ZNF362: variants seen among roughly 807,000 people sequenced by gnomAD.
The protein encoded by ZNF362 is rotund homolog.
In ZNF362, 11 loss-of-function variants were observed where a neutral mutation model predicts 42.9. The ratio of observed to expected loss-of-function variants is 0.26; its 90% CI spans 0.16 to 0.42. The LOEUF (loss-of-function observed/expected upper bound fraction) is 0.42, where lower values mean the gene tolerates loss of function less well. Ranked by LOEUF, ZNF362 falls within the 20% of genes least tolerant of loss-of-function variation. ZNF362 has a pLI of 1.00. For missense variants in ZNF362, 362 were observed against 576.2 expected (o/e 0.63, Z 3.81); for synonymous variants, 255 against 257.3 (o/e 0.99, Z 0.09).
the ZNF362 span, chr1:33,181,593 G>C: frequency 7.6e-7 from 1 of 1,312,832 alleles, no homozygotes; most frequent in Non-Finnish European, 1.0e-6. The surrounding 1 kb of genome is among the most constrained non-coding windows in gnomAD (Gnocchi z 6.5). Context: ...CCGGAAGGAG[G>C]GTAACGCGAG....
chr1:33,255,495 C>T (rs1324278163), upstream of ZNF362, among the ~76,000 whole-genome samples: 1 of 151,910 alleles, frequency 6.6e-6, no homozygotes, highest in East Asian at 1.9e-4. Flanking sequence ...GCTGCCTCCT[C>T]AGGTAGAAGT....
the ZNF362 span, among the ~76,000 whole-genome samples, chr1:33,245,199 T>C: frequency 6.6e-6 from 1 of 152,204 alleles, no homozygotes; most frequent in Admixed American, 6.5e-5. Flanking sequence ...CCGATGACCC[T>C]TCATTTAATC....
In ZNF362 at chr1:33,295,063, C is replaced by T. The variant is rs370600250; in HGVS notation, c.987+48C>T. On this transcript the variant is annotated intron_variant, in intron 7 of 8. Transcript: ENST00000539719. ...CCCACCAGGTGCTCTGGTGCCCCCCCACCCACCCCCACAAGGAAGCGTAGG... is the reference window on the plus strand; with the variant it reads ...CCCACCAGGTGCTCTGGTGCCCCCCTACCCACCCCCACAAGGAAGCGTAGG... The T allele has an allele frequency of 1.9e-6, 3 of 1,611,392 alleles. No individual in the cohort carries two copies. The African/African-American group carries it at 4.0e-5, about 22-fold the overall frequency.
intron 2 of ZNF362, chr1:33,275,397 C>G (rs1013621603): frequency 1.0e-6 from 1 of 985,308 alleles, no homozygotes; most frequent in Non-Finnish European, 1.2e-6. Flanking sequence ...TAGCTTCAGC[C>G]TCTTCAGCCC....
At chr1:33,275,080 C>T in intron 2 of ZNF362, 2 of 985,372 alleles carry the variant, frequency 2.0e-6, no homozygotes, top group Non-Finnish European at 2.4e-6. Context: ...TAAACAATTT[C>T]ATTTAAGCAA....
At chr1:33,140,599 A>G in the ZNF362 span, among the ~76,000 whole-genome samples, 1 of 152,336 alleles carries the variant, frequency 6.6e-6, no homozygotes, top group Non-Finnish European at 1.5e-5. The surrounding 1 kb of genome is among the most constrained non-coding windows in gnomAD (Gnocchi z 4.0). Flanking sequence ...CTCTAGTGCC[A>G]TGAAATCAGG....
the ZNF362 span, among the ~76,000 whole-genome samples, chr1:33,241,815 A>G: frequency 6.6e-6 from 1 of 152,196 alleles, no homozygotes. Context: ...GCCTGGAGCC[A>G]TCCTCCTGCC....
At chr1:33,246,271 G>A in the ZNF362 span, among the ~76,000 whole-genome samples, 1 of 152,310 alleles carries the variant, frequency 6.6e-6, no homozygotes, top group African/African-American at 2.4e-5. Flanking sequence ...GGGTGGCTGG[G>A]ACCAGGCAGG....
the ZNF362 span, among the ~76,000 whole-genome samples, chr1:33,238,420 C>T: frequency 7.5e-6 from 1 of 134,200 alleles, no homozygotes; most frequent in East Asian, 2.4e-4. Flanking sequence ...AAAGAGATCT[C>T]TGCTTCAAAC....
At chr1:33,219,927 CT>C in the ZNF362 span, among the ~76,000 whole-genome samples, 4 of 152,202 alleles carry the variant, frequency 2.6e-5, no homozygotes, top group African/African-American at 7.2e-5. Flanking sequence ...CCTAGATACC[CT>C]TTTCCAGCTC....
chr1:33,259,756 G>A (rs1645817234), intron 1 of ZNF362, among the ~76,000 whole-genome samples: 1 of 152,198 alleles, frequency 6.6e-6, no homozygotes, highest in Non-Finnish European at 1.5e-5. Flanking sequence ...CACTAGCCAG[G>A]GCAGTGTTTG....
the ZNF362 span, among the ~76,000 whole-genome samples, chr1:33,182,619 TG>T: frequency 6.6e-6 from 1 of 151,736 alleles, no homozygotes; most frequent in Non-Finnish European, 1.5e-5. Flanking sequence ...TGTGTGTGTG[TG>T]TGTGTGTGTG....
Position 33,299,081 on chromosome 1 carries a change from GCAGACA to G in ZNF362, c.*41_*46del. The G allele has an allele frequency of 6.4e-7, 1 of 1,556,160 alleles. No homozygotes were observed. The highest frequency in any genetic ancestry group is 8.8e-7 in the Non-Finnish European group (1 of 1,139,566). On this transcript the variant is annotated 3_prime_UTR_variant, in exon 9 of 9. Coordinates refer to ENST00000539719, the MANE Select transcript of ZNF362 (RefSeq NM_152493.3). Reference sequence around the variant, plus strand: ...AGGCGCCGCCCCACCCGGCCCACTGGCAGACACAGACCCAGGCAGCACCAGGCCCCA... The same window carrying G: ...AGGCGCCGCCCCACCCGGCCCACTGGCAGACCCAGGCAGCACCAGGCCCCA...
At chr1:33,158,870 C>T in the ZNF362 span, among the ~76,000 whole-genome samples, 17 of 149,910 alleles carry the variant, frequency 1.1e-4, no homozygotes, top group African/African-American at 3.4e-4. Context: ...GACAGAGTTT[C>T]GCTCTTATTG....
At chr1:33,252,405 C>A (rs1360698253), upstream of ZNF362, among the ~76,000 whole-genome samples, 1 of 152,018 alleles carries the variant, frequency 6.6e-6, no homozygotes, top group African/African-American at 2.4e-5. Flanking sequence ...ACCATCTATT[C>A]TCTTTTCTTC....
the ZNF362 span, among the ~76,000 whole-genome samples, chr1:33,179,915 GT>G: frequency 0.19 from 29,362 of 152,170 alleles, 3,147 homozygotes; most frequent in South Asian, 0.28. Context: ...CTCCAAGGGG[GT>G]GGGTATAAAA....
At chr1:33,188,571 T>G in the ZNF362 span, among the ~76,000 whole-genome samples, 1 of 152,158 alleles carries the variant, frequency 6.6e-6, no homozygotes, top group East Asian at 1.9e-4. Flanking sequence ...TCCAGTGTAA[T>G]CAACTGGCAC....
chr1:33,181,665 G>T, the ZNF362 span: 1 of 690,246 alleles, frequency 1.4e-6, no homozygotes, highest in Non-Finnish European at 2.3e-6. The surrounding 1 kb of genome is among the most constrained non-coding windows in gnomAD (Gnocchi z 6.5). Context: ...TAGAGGTAGT[G>T]GGCAGCTCAA....
upstream of ZNF362, among the ~76,000 whole-genome samples, chr1:33,253,843 AAATT>A (rs540227749): frequency 2.8e-3 from 423 of 152,312 alleles, 1 homozygote; most frequent in African/African-American, 9.6e-3. Context: ...ATACCTTTTA[AAATT>A]AATTAATGCC....
Sources: allele counts gnomAD v4.1 joint callset (sites outside exome capture counted in the v4.1 genomes callset), GRCh38; gene constraint gnomAD v4.1.1; non-coding constraint Gnocchi (gnomAD v3.1); transcripts MANE v1.5; gene names NCBI Gene and HGNC (gene_info 2026-07-23, HGNC 2026-07-21).